The following BRD10 variants were observed in gnomAD, a reference collection of about 807,000 sequenced individuals.
The protein encoded by BRD10 is bromodomain containing 10.
the BRD10 span, among the ~76,000 whole-genome samples, chr9:5,985,108 T>C: frequency 2.6e-5 from 4 of 152,156 alleles, no homozygotes; most frequent in Admixed American, 2.0e-4. Flanking sequence ...TCACAAATAA[T>C]ACGTTCAATT....
At chr9:5,897,727 G>A in the BRD10 span, 1 of 1,263,986 alleles carries the variant, frequency 7.9e-7, no homozygotes, top group Non-Finnish European at 1.2e-6. Flanking sequence ...CTGAATCTCT[G>A]GAGAGTCAGA....
the BRD10 span, among the ~76,000 whole-genome samples, chr9:5,986,953 G>A: frequency 5.9e-5 from 9 of 152,100 alleles, no homozygotes; most frequent in African/African-American, 1.7e-4. Context: ...TTCTTTGCTA[G>A]TTTTACCATT....
the BRD10 span, among the ~76,000 whole-genome samples, chr9:5,987,124 T>C: frequency 6.6e-6 from 1 of 152,190 alleles, no homozygotes; most frequent in Non-Finnish European, 1.5e-5. Context: ...GGAAGGTGCT[T>C]AGAGCTAAAC....
chr9:5,891,869 G>T, the BRD10 span, among the ~76,000 whole-genome samples: 1 of 152,200 alleles, frequency 6.6e-6, no homozygotes, highest in Non-Finnish European at 1.5e-5. Flanking sequence ...GCCCCTGTGT[G>T]GGGTGGTTTC....
the BRD10 span, among the ~76,000 whole-genome samples, chr9:5,899,537 G>C: frequency 5.9e-5 from 9 of 152,132 alleles, no homozygotes; most frequent in Non-Finnish European, 1.2e-4. Flanking sequence ...ATCTGAACAA[G>C]ACTCCAATAT....
the BRD10 span, among the ~76,000 whole-genome samples, chr9:5,907,494 C>T: frequency 6.6e-5 from 10 of 152,020 alleles, no homozygotes; most frequent in African/African-American, 2.4e-4. Context: ...TAATACATAT[C>T]ATATTTCAAA....
At chr9:5,977,632 G>A in the BRD10 span, among the ~76,000 whole-genome samples, 3 of 152,190 alleles carry the variant, frequency 2.0e-5, no homozygotes, top group African/African-American at 7.2e-5. Context: ...CAGATCACGA[G>A]GTCAGGAGAT....
the BRD10 span, chr9:5,924,759 C>T: frequency 5.5e-5 from 88 of 1,606,644 alleles, no homozygotes; most frequent in Middle Eastern, 1.6e-4. Flanking sequence ...ATCTCCTTCA[C>T]CTTCATCAGT....
At chr9:5,935,478 C>G in the BRD10 span, among the ~76,000 whole-genome samples, 58 of 152,254 alleles carry the variant, frequency 3.8e-4, no homozygotes, top group African/African-American at 1.3e-3. Flanking sequence ...ATTTAAGAGA[C>G]AATGTGCTAC....
At chr9:5,961,965 T>C in the BRD10 span, among the ~76,000 whole-genome samples, 1 of 150,114 alleles carries the variant, frequency 6.7e-6, no homozygotes, top group Non-Finnish European at 1.5e-5. Context: ...GGGTTTTTTG[T>C]GTCTCTATTT....
At chr9:5,914,409 G>GTTTTTTTTTTT in the BRD10 span, among the ~76,000 whole-genome samples, 6 of 106,922 alleles carry the variant, frequency 5.6e-5, no homozygotes, top group African/African-American at 1.8e-4. Flanking sequence ...AAATCCAGAT[G>GTTTTTTTTTTT]GTTTTTTTTT....
At chr9:5,897,972 C>A in the BRD10 span, 7 of 273,370 alleles carry the variant, frequency 2.6e-5, no homozygotes, top group Non-Finnish European at 4.3e-5. Context: ...AGGGGCCACA[C>A]CTGGTGAGGA....
At chr9:5,921,113 C>A in the BRD10 span, 1 of 1,613,792 alleles carries the variant, frequency 6.2e-7, no homozygotes, top group Admixed American at 1.7e-5. Flanking sequence ...AAAATTTGAG[C>A]TTACTGGAAC....
At chr9:5,947,633 T>C in the BRD10 span, among the ~76,000 whole-genome samples, 2 of 152,024 alleles carry the variant, frequency 1.3e-5, no homozygotes, top group African/African-American at 2.4e-5. Flanking sequence ...ATATACCCAA[T>C]ATATAGAGTC....
chr9:5,937,377 G>C, the BRD10 span, among the ~76,000 whole-genome samples: 6 of 145,464 alleles, frequency 4.1e-5, no homozygotes, highest in Admixed American at 4.1e-4. Context: ...TCTACTAAAA[G>C]TACAAAAATT....
At chr9:5,888,056 A>G in the BRD10 span, among the ~76,000 whole-genome samples, 1 of 152,208 alleles carries the variant, frequency 6.6e-6, no homozygotes, top group Admixed American at 6.5e-5. Flanking sequence ...GAAAAATCAC[A>G]GGATCTGAAA....
the BRD10 span, among the ~76,000 whole-genome samples, chr9:5,894,034 G>C: frequency 6.6e-6 from 1 of 152,072 alleles, no homozygotes; most frequent in Non-Finnish European, 1.5e-5. This position sits in a 1 kb window ranked among gnomAD's most constrained non-coding sequence, Gnocchi z 4.0. Flanking sequence ...ATCCAGGTCT[G>C]TTTGCCTCCA....
chr9:5,956,499 T>C, the BRD10 span, among the ~76,000 whole-genome samples: 2 of 152,150 alleles, frequency 1.3e-5, no homozygotes, highest in African/African-American at 4.8e-5. Context: ...TATTTCTTTG[T>C]GCAGTTTCTT....
the BRD10 span, among the ~76,000 whole-genome samples, chr9:5,944,174 C>T: frequency 2.6e-5 from 4 of 152,046 alleles, no homozygotes; most frequent in South Asian, 8.3e-4. Context: ...CATTTATTTA[C>T]TGGTATGTAA....
Sources: gnomAD v4.1 joint callset for allele counts (sites outside exome capture counted in the v4.1 genomes callset) on GRCh38, gnomAD v4.1.1 for gene constraint, Gnocchi (gnomAD v3.1) non-coding constraint, MANE v1.5 for transcripts, NCBI Gene and HGNC (gene_info 2026-07-23, HGNC 2026-07-21) for gene names.